RYR2: variants seen among roughly 807,000 people sequenced by gnomAD.
RYR2 encodes the protein cardiac muscle ryanodine receptor-calcium release channel.
A neutral mutation model predicts 601.1 loss-of-function variants in RYR2; 227 were observed. That is an observed-to-expected ratio of 0.38 (90% CI 0.34 to 0.42). The LOEUF (loss-of-function observed/expected upper bound fraction) is 0.42. RYR2 is among the 10% of genes least tolerant of loss of function. RYR2 has a pLI of 1.00. For synonymous variants in RYR2, 2,223 were observed against 2,175.1 expected (o/e 1.02, Z -0.61); for missense variants, 4,646 against 6,156.5 (o/e 0.75, Z 8.21).
intron 1 of RYR2, among the ~76,000 whole-genome samples, chr1:237,244,459 G>A (rs552371718): frequency 2.6e-5 from 4 of 152,108 alleles, no homozygotes; most frequent in Non-Finnish European, 5.9e-5. Context: ...GTAAGGAGCA[G>A]AGAAGATGGT....
intron 39 of RYR2, among the ~76,000 whole-genome samples, chr1:237,625,142 T>C (rs1320530025): frequency 6.6e-6 from 1 of 152,012 alleles, no homozygotes; most frequent in Non-Finnish European, 1.5e-5. Flanking sequence ...AATACAGGGA[T>C]ACTTTAAAAC....
intron 2 of RYR2, among the ~76,000 whole-genome samples, chr1:237,291,524 G>A (rs1692187853): frequency 6.6e-6 from 1 of 152,176 alleles, no homozygotes; most frequent in African/African-American, 2.4e-5. Context: ...TTGCCAAAAT[G>A]TGAAAGCAAC....
At chr1:237,375,948 G>A (rs534211433) in intron 7 of RYR2, among the ~76,000 whole-genome samples, 54 of 152,220 alleles carry the variant, frequency 3.5e-4, no homozygotes, top group African/African-American at 1.3e-3. Context: ...ATGCTACTCT[G>A]TTTTTTCCCG....
intron 13 of RYR2, among the ~76,000 whole-genome samples, chr1:237,441,684 T>A (rs1572346129): frequency 6.6e-6 from 1 of 152,232 alleles, no homozygotes; most frequent in East Asian, 1.9e-4. Context: ...ATATATAGGA[T>A]TATGGGATGC....
intron 5 of RYR2, among the ~76,000 whole-genome samples, chr1:237,365,773 T>C (rs544020992): frequency 1.3e-5 from 2 of 152,362 alleles, no homozygotes; most frequent in Admixed American, 1.3e-4. Context: ...GGACTTCCCC[T>C]TGGGAAGGGT....
intron 1 of RYR2, among the ~76,000 whole-genome samples, chr1:237,164,731 G>T (rs1346056606): frequency 6.6e-6 from 1 of 151,992 alleles, no homozygotes; most frequent in Non-Finnish European, 1.5e-5. Flanking sequence ...ATAGACATAG[G>T]GTTTCTTTAG....
intron 74 of RYR2, among the ~76,000 whole-genome samples, chr1:237,725,755 C>A (rs904485048): frequency 2.6e-5 from 4 of 151,990 alleles, no homozygotes; most frequent in African/African-American, 9.7e-5. Context: ...AAAATGCCTG[C>A]CAAATGATAA....
chr1:237,290,692 G>A (rs1345497), intron 2 of RYR2, among the ~76,000 whole-genome samples: 69,500 of 151,830 alleles, frequency 0.46, 16,844 homozygotes, highest in Admixed American at 0.54. Context: ...CACCAACAAC[G>A]AAAATACAAA....
intron 71 of RYR2, 29 bp from the exon 72 acceptor site, chr1:237,717,169 A>C (rs1342367087): frequency 6.2e-7 from 1 of 1,607,742 alleles, no homozygotes; most frequent in Non-Finnish European, 8.5e-7. Context: ...AAGCAGGTTC[A>C]GATCCCAGCA....
intron 1 of RYR2, among the ~76,000 whole-genome samples, chr1:237,056,055 G>C (rs1281585516): frequency 7.0e-6 from 1 of 143,234 alleles, no homozygotes; most frequent in Non-Finnish European, 1.5e-5. Context: ...ACTAAAGACT[G>C]TACCTGTGAG....
At chr1:237,059,774 A>G (rs989901492) in intron 1 of RYR2, among the ~76,000 whole-genome samples, 2 of 152,186 alleles carry the variant, frequency 1.3e-5, no homozygotes, top group African/African-American at 2.4e-5. Context: ...TGCCATAAAT[A>G]TTGGATTGAC....
intron 38 of RYR2, among the ~76,000 whole-genome samples, chr1:237,618,055 G>A (rs542752691): frequency 3.8e-4 from 58 of 152,266 alleles, no homozygotes; most frequent in African/African-American, 1.3e-3. Flanking sequence ...CAGAGTGTGG[G>A]AAGTTACTGG....
chr1:237,217,588 G>C (rs774844419), intron 1 of RYR2, among the ~76,000 whole-genome samples: 1 of 152,176 alleles, frequency 6.6e-6, no homozygotes, highest in Non-Finnish European at 1.5e-5. Flanking sequence ...TAGGACGGCA[G>C]AGTATCCAAG....
chr1:237,491,266 T>G (rs975656662), intron 17 of RYR2, among the ~76,000 whole-genome samples: 2 of 152,196 alleles, frequency 1.3e-5, no homozygotes, highest in Admixed American at 1.3e-4. Flanking sequence ...AGAAATCTTG[T>G]GTACTATAAA....
At chr1:237,385,694 G>A (rs1013274973) in intron 8 of RYR2, among the ~76,000 whole-genome samples, 4 of 152,186 alleles carry the variant, frequency 2.6e-5, no homozygotes, top group Admixed American at 6.5e-5. Context: ...GCCTGTGCAC[G>A]TGCTTTTTTT....
chr1:237,399,992 G>A (rs1703200431), intron 10 of RYR2, among the ~76,000 whole-genome samples: 1 of 151,862 alleles, frequency 6.6e-6, no homozygotes, highest in African/African-American at 2.4e-5. Context: ...GATTTCTTGT[G>A]TCTTACACCA....
intron 3 of RYR2, among the ~76,000 whole-genome samples, chr1:237,346,981 T>G (rs1036691944): frequency 2.6e-5 from 4 of 152,174 alleles, no homozygotes; most frequent in African/African-American, 9.7e-5. Context: ...GGTAGATACC[T>G]CAGTTTGAGG....
intron 1 of RYR2, among the ~76,000 whole-genome samples, chr1:237,247,062 G>T (rs1373118698): frequency 6.6e-6 from 1 of 152,138 alleles, no homozygotes; most frequent in Non-Finnish European, 1.5e-5. Flanking sequence ...TTGTCTAGTA[G>T]TAGCACTAGT....
Position 237,423,162 on chromosome 1 carries a change from A to G in RYR2, c.919A>G (p.Ser307Gly). ...CCATGTCACAACAGGAAAATACTTG[A>G]GTCTCATGGAAGACAAAAACCTTCT... is the stretch of plus-strand genomic sequence containing the variant. Reference protein sequence around the residue: ...LRHVTTGKYLSLMEDKNLLLM... With the variant: ...LRHVTTGKYLGLMEDKNLLLM... Residue 307 changes from serine to glycine, a missense_variant, in exon 12 of 105, where the codon AGT becomes GGT. By Grantham distance (56) the Ser-to-Gly change is moderately conservative. Around this residue, in one of 17 missense-constraint regions of RYR2, gnomAD observed 1,807 missense variants for 2,088.1 expected, o/e 0.87. Coordinates refer to ENST00000366574, the MANE Select transcript of RYR2 (RefSeq NM_001035.3). 4 of 1,613,930 alleles carry G rather than the reference A, an allele frequency of 2.5e-6. No homozygotes were observed. The highest frequency in any genetic ancestry group is 3.4e-6 in the Non-Finnish European group (4 of 1,179,838).
Sources: allele counts gnomAD v4.1 joint callset (sites outside exome capture counted in the v4.1 genomes callset), GRCh38; gene constraint gnomAD v4.1.1; regional missense constraint gnomAD v4.1.1; transcripts MANE v1.5; gene names NCBI Gene and HGNC (gene_info 2026-07-23, HGNC 2026-07-21).